SNTG1: variants seen among roughly 807,000 people sequenced by gnomAD.
The protein encoded by SNTG1 is syntrophin gamma 1, also known as gamma-1-syntrophin.
A neutral mutation model predicts 74.7 loss-of-function variants in SNTG1; 39 were observed. That is an observed-to-expected ratio of 0.52 (90% confidence interval 0.40 to 0.68). The LOEUF is 0.68. Among genes scored for constraint, SNTG1 ranks in the 30% least tolerant of loss-of-function variants. The probability of loss-of-function intolerance (pLI) is 0.00; values close to 1 mark genes in which losing one functional copy is unlikely to be tolerated. For synonymous variants in SNTG1, 254 were observed against 217.1 expected, an observed-to-expected ratio of 1.17 and a Z score of -1.49; for missense variants, 685 against 609.5, an observed-to-expected ratio of 1.12 and a Z score of -1.30.
At chr8:50,274,040 C>A (rs6985291) in intron 2 of SNTG1, among the ~76,000 whole-genome samples, 2,057 of 152,078 alleles carry the variant, frequency 0.014, 50 homozygotes, top group African/African-American at 0.046. Context: ...TTGTTAAATG[C>A]TGGTATATAA....
intron 17 of SNTG1, among the ~76,000 whole-genome samples, chr8:50,729,548 G>T (rs2095507923): frequency 6.6e-6 from 1 of 152,100 alleles, no homozygotes; most frequent in African/African-American, 2.4e-5. Context: ...AGTGATGGGG[G>T]TCTCTTTTGT....
At chr8:50,281,216 G>T (rs2088432601) in intron 2 of SNTG1, among the ~76,000 whole-genome samples, 1 of 152,048 alleles carries the variant, frequency 6.6e-6, no homozygotes, top group African/African-American at 2.4e-5. Flanking sequence ...AGTCTGTTTT[G>T]TCAGTCTTAA....
chr8:50,206,577 G>T (rs536160996), intron 2 of SNTG1, among the ~76,000 whole-genome samples: 3 of 152,144 alleles, frequency 2.0e-5, no homozygotes, highest in Non-Finnish European at 4.4e-5. Flanking sequence ...CTTCCTGATT[G>T]CCCTGGCCAG....
chr8:49,951,772 C>T (rs945180717), intron 1 of SNTG1, among the ~76,000 whole-genome samples: 57 of 144,988 alleles, frequency 3.9e-4, no homozygotes, highest in Non-Finnish European at 5.9e-4. Context: ...AAAAAAAAAG[C>T]TTAACAACCT....
chr8:50,395,052 T>C (rs1032439076), intron 3 of SNTG1, among the ~76,000 whole-genome samples: 1 of 152,112 alleles, frequency 6.6e-6, no homozygotes, highest in Non-Finnish European at 1.5e-5. Flanking sequence ...GGGAAAGACT[T>C]CAGTTCTTAA....
intron 9 of SNTG1, among the ~76,000 whole-genome samples, chr8:50,508,512 G>A (rs1028057158): frequency 6.6e-6 from 1 of 152,130 alleles, no homozygotes; most frequent in Non-Finnish European, 1.5e-5. Flanking sequence ...TTCCACAATG[G>A]TTGAACTAGT....
intron 13 of SNTG1, among the ~76,000 whole-genome samples, chr8:50,620,647 G>C (rs1267276963): frequency 1.3e-5 from 2 of 152,172 alleles, no homozygotes; most frequent in Non-Finnish European, 2.9e-5. Flanking sequence ...GGGCATAATA[G>C]TTCCAGTTAA....
chr8:50,334,694 A>G (rs1412268533), intron 2 of SNTG1, among the ~76,000 whole-genome samples: 2 of 152,188 alleles, frequency 1.3e-5, no homozygotes, highest in East Asian at 3.9e-4. Flanking sequence ...TGGGCAAATT[A>G]CTCAACCTCT....
intron 2 of SNTG1, among the ~76,000 whole-genome samples, chr8:50,242,155 A>G (rs1212686889): frequency 6.6e-6 from 1 of 151,922 alleles, no homozygotes; most frequent in African/African-American, 2.4e-5. Flanking sequence ...ATGTGTATAT[A>G]TGTATATTAA....
chr8:50,740,674 A>G (rs762618938), intron 17 of SNTG1, among the ~76,000 whole-genome samples: 4 of 152,094 alleles, frequency 2.6e-5, no homozygotes, highest in Non-Finnish European at 4.4e-5. Flanking sequence ...GTTCTATCAT[A>G]AAGAGAGATG....
At chr8:49,971,096 T>C (rs539458105) in intron 1 of SNTG1, among the ~76,000 whole-genome samples, 1 of 152,232 alleles carries the variant, frequency 6.6e-6, no homozygotes, top group South Asian at 2.1e-4. Flanking sequence ...ATATCCCTGA[T>C]GAACATCGAT....
intron 2 of SNTG1, among the ~76,000 whole-genome samples, chr8:50,221,789 C>T (rs1586745817): frequency 6.6e-6 from 1 of 152,262 alleles, no homozygotes; most frequent in Non-Finnish European, 1.5e-5. Context: ...TTTAACAATG[C>T]AACAGGTTCC....
chr8:49,979,811 G>A (rs1158429494), intron 1 of SNTG1, among the ~76,000 whole-genome samples: 1 of 152,200 alleles, frequency 6.6e-6, no homozygotes, highest in Admixed American at 6.5e-5. Context: ...TTGTGTGTCC[G>A]CTGTTTACAG....
chr8:50,145,040 G>A (rs1365859272), intron 1 of SNTG1, among the ~76,000 whole-genome samples: 1 of 152,048 alleles, frequency 6.6e-6, no homozygotes, highest in African/African-American at 2.4e-5. Flanking sequence ...AATGAGGTAG[G>A]AACACCAGTC....
chr8:50,489,389 C>T (rs1263635419), intron 8 of SNTG1, among the ~76,000 whole-genome samples: 1 of 152,294 alleles, frequency 6.6e-6, no homozygotes, highest in Non-Finnish European at 1.5e-5. Flanking sequence ...TACACTCCCA[C>T]CAACAGTGTA....
In SNTG1 at chr8:50,117,561, G is replaced by A. The variant is rs187764446; in HGVS notation, c.-102-55000G>A. ...AATAATCATGGAGGAGGAAGGTAGG[G>A]CATGGCACCAGTCCTCATGCCTCTC... On this transcript the variant is annotated intron_variant, in intron 1 of 18. Transcript: ENST00000642720. 3.3e-5 allele frequency among the ~76,000 whole-genome samples: 5 copies of A among 152,190 alleles called. No individual in the cohort carries two copies. The East Asian group carries it at 9.7e-4, about 29-fold the overall frequency.
intron 1 of SNTG1, among the ~76,000 whole-genome samples, chr8:50,024,056 A>AAATTTG (rs1374445550): frequency 6.6e-6 from 1 of 152,204 alleles, no homozygotes; most frequent in Non-Finnish European, 1.5e-5. Context: ...GATGGGAACC[A>AAATTTG]AATTTGATTT....
chr8:50,283,224 G>T (rs1284019608), intron 2 of SNTG1, among the ~76,000 whole-genome samples: 1 of 152,068 alleles, frequency 6.6e-6, no homozygotes, highest in African/African-American at 2.4e-5. Flanking sequence ...CTTAATCTTG[G>T]GTTAGCAATT....
At chr8:49,919,116 C>G (rs1252966854) in intron 1 of SNTG1, among the ~76,000 whole-genome samples, 2 of 152,076 alleles carry the variant, frequency 1.3e-5, no homozygotes, top group African/African-American at 4.8e-5. Context: ...CTGTCTGTCT[C>G]TTTTCTCCCC....
Sources: gnomAD v4.1 joint callset for allele counts (sites outside exome capture counted in the v4.1 genomes callset) on GRCh38, gnomAD v4.1.1 for gene constraint, MANE v1.5 for transcripts, NCBI Gene and HGNC (gene_info 2026-07-23, HGNC 2026-07-21) for gene names.